Variants in WDFY4 observed in about 807,000 individuals in gnomAD.
The protein encoded by WDFY4 is WDFY family member 4, also known as WD repeat- and FYVE domain-containing protein 4.
In WDFY4, 169 loss-of-function variants were observed where a neutral mutation model predicts 351.9. That is an observed-to-expected ratio of 0.48 (90% CI 0.42 to 0.55). WDFY4 has a LOEUF of 0.55. Ranked by LOEUF, WDFY4 falls within the 20% of genes least tolerant of loss-of-function variation. The pLI is 0.00. For synonymous variants in WDFY4, 1,622 were observed against 1,574.6 expected (o/e 1.03, Z -0.71); for missense variants, 3,803 against 3,935.6 (o/e 0.97, Z 0.90).
Position 48,725,901 on chromosome 10 carries a change from T to C in WDFY4, c.612T>C (p.Ser204=). The C allele has an allele frequency of 4.5e-6, 7 of 1,545,290 alleles. No individual in the cohort carries two copies. The highest frequency in any genetic ancestry group is 6.1e-6 in the Non-Finnish European group (7 of 1,141,676). The stretch of plus-strand genomic sequence containing the variant: ...TTCAGATGTTGCTCAATATTTGCAG[T>C]GACTCTCAGGGCCTGGAGGGACTCC... ...MFVQMLLNIC[S]DSQGLEGLLS... The change falls in exon 6 of 62, where the codon AGT becomes AGC. Residue 204 remains serine, a synonymous_variant. Transcript: ENST00000325239.
chr10:48,736,178 G>T (rs1372641851), intron 11 of WDFY4, 108 bp downstream of exon 11: 6 of 1,289,198 alleles, frequency 4.7e-6, no homozygotes, highest in Non-Finnish European at 5.5e-6. Context: ...CACTGTATGT[G>T]GCAGGCAGTA....
chr10:48,695,153 A>G (rs889559098), intron 1 of WDFY4, among the ~76,000 whole-genome samples: 1 of 152,212 alleles, frequency 6.6e-6, no homozygotes, highest in Non-Finnish European at 1.5e-5. Flanking sequence ...CTGGCCAAGG[A>G]GTGTCCACGT....
At chr10:48,898,195 T>C (rs1357279296) in intron 45 of WDFY4, among the ~76,000 whole-genome samples, 1 of 152,164 alleles carries the variant, frequency 6.6e-6, no homozygotes, top group African/African-American at 2.4e-5. Context: ...CATAAGCTGG[T>C]CATAACCTCC....
At chr10:48,920,132 A>G (rs1167387971) in intron 47 of WDFY4, among the ~76,000 whole-genome samples, 2 of 152,210 alleles carry the variant, frequency 1.3e-5, no homozygotes, top group African/African-American at 2.4e-5. Context: ...AGAAAAAAAA[A>G]AGATCTTATA....
intron 47 of WDFY4, among the ~76,000 whole-genome samples, chr10:48,936,837 CAA>C (rs559680291): frequency 5.1e-5 from 3 of 59,256 alleles, no homozygotes; most frequent in Non-Finnish European, 1.1e-4. Flanking sequence ...GACTCCGTCT[CAA>C]AAAAAAAAAA....
intron 2 of WDFY4, among the ~76,000 whole-genome samples, chr10:48,710,733 A>G (rs973365044): frequency 1.3e-5 from 2 of 152,188 alleles, no homozygotes; most frequent in African/African-American, 4.8e-5. Context: ...ATGCAAAGTG[A>G]GGTAAAATCA....
At chr10:48,759,431 G>A (rs779693925) in intron 12 of WDFY4, among the ~76,000 whole-genome samples, 6 of 152,166 alleles carry the variant, frequency 3.9e-5, no homozygotes, top group Non-Finnish European at 8.8e-5. Flanking sequence ...GCCATGCAGT[G>A]AGGGGAGAAA....
At chr10:48,928,234 T>A (rs1366159878) in intron 47 of WDFY4, among the ~76,000 whole-genome samples, 8 of 152,170 alleles carry the variant, frequency 5.3e-5, no homozygotes, top group Non-Finnish European at 8.8e-5. Context: ...CCCATGACCC[T>A]GGATGGTCTC....
At chr10:48,700,758 T>G (rs1392408633) in intron 1 of WDFY4, among the ~76,000 whole-genome samples, 1 of 152,238 alleles carries the variant, frequency 6.6e-6, no homozygotes, top group Middle Eastern at 3.2e-3. Flanking sequence ...GGCACAGCCT[T>G]TGGCAGGGGG....
chr10:48,742,860 G>C lies in WDFY4; in HGVS notation c.1879-108G>C, dbSNP rs1199712631. The C allele has an allele frequency of 5.9e-6, 6 of 1,011,366 alleles. No homozygotes were observed. In the African/African-American group the frequency reaches 8.1e-5, roughly 14 times the overall value. 62.6% of individuals were successfully genotyped at this position (1,011,366 alleles called of 1,614,324 possible). On this transcript the variant is annotated intron_variant, in intron 11 of 61. Transcript: ENST00000325239. The stretch of plus-strand genomic sequence containing the variant: ...GATCCTTCCTGTAACTTGTTGGCCT[G>C]AAGTCGTTGAGGGAAGAGCTAGTGG...
intron 59 of WDFY4, among the ~76,000 whole-genome samples, chr10:48,977,358 CATTT>C (rs1167704981): frequency 6.6e-6 from 1 of 152,080 alleles, no homozygotes; most frequent in Non-Finnish European, 1.5e-5. Context: ...CCCACCTACC[CATTT>C]ATCTCTCTAC....
At chr10:48,704,993 A>T (rs1589421665) in intron 1 of WDFY4, among the ~76,000 whole-genome samples, 1 of 152,134 alleles carries the variant, frequency 6.6e-6, no homozygotes, top group African/African-American at 2.4e-5. Context: ...CACTTTACAA[A>T]TGAGGACCAT....
chr10:48,854,865 C>T (rs1297604530), intron 39 of WDFY4, among the ~76,000 whole-genome samples: 1 of 152,118 alleles, frequency 6.6e-6, no homozygotes, highest in Non-Finnish European at 1.5e-5. Flanking sequence ...ATCCAAGGTC[C>T]CCTAAGAGTT....
intron 13 of WDFY4, among the ~76,000 whole-genome samples, chr10:48,768,629 C>T (rs2065753317): frequency 6.6e-6 from 1 of 151,768 alleles, no homozygotes; most frequent in Non-Finnish European, 1.5e-5. Context: ...GCTATTCTGT[C>T]TAATGTCTAA....
intron 24 of WDFY4, among the ~76,000 whole-genome samples, chr10:48,798,766 A>G (rs1312944174): frequency 6.6e-6 from 1 of 152,214 alleles, no homozygotes; most frequent in African/African-American, 2.4e-5. Context: ...GCAGAACACA[A>G]AAGGACAGAA....
chr10:48,786,577 G>A (rs1005955848), intron 19 of WDFY4, 62 bp from the exon 20 acceptor site: 3 of 1,278,442 alleles, frequency 2.3e-6, no homozygotes, highest in South Asian at 1.4e-5. Context: ...ATATCACTTT[G>A]TATTTACTTG....
intron 1 of WDFY4, among the ~76,000 whole-genome samples, chr10:48,691,231 A>C (rs1000749974): frequency 6.6e-6 from 1 of 151,960 alleles, no homozygotes; most frequent in Non-Finnish European, 1.5e-5. Flanking sequence ...GGATGTGGGA[A>C]GTGGCAGGCT....
chr10:48,832,493 C>A, intron 38 of WDFY4, 80 bp from the exon 39 acceptor site: 2 of 1,426,164 alleles, frequency 1.4e-6, no homozygotes, highest in Non-Finnish European at 9.3e-7. Flanking sequence ...CCCTGGCTGG[C>A]CCTTTGAAAG....
At chr10:48,901,928 C>T in intron 47 of WDFY4, 65 bp downstream of exon 47, 1 of 1,413,414 alleles carries the variant, frequency 7.1e-7, no homozygotes, top group Admixed American at 2.0e-5. Flanking sequence ...CCTCCTCTGC[C>T]TCATCCCACT....
Sources: allele counts gnomAD v4.1 joint callset (sites outside exome capture counted in the v4.1 genomes callset), GRCh38; gene constraint gnomAD v4.1.1; transcripts MANE v1.5; gene names NCBI Gene and HGNC (gene_info 2026-07-23, HGNC 2026-07-21).